Variants in IL23R observed in about 807,000 individuals in gnomAD.
The protein encoded by IL23R is interleukin-23 receptor.
Under a neutral mutation model 56.9 loss-of-function variants are expected in IL23R, and 34 were observed. That is an observed-to-expected ratio of 0.60 (90% CI 0.45 to 0.80). The LOEUF (loss-of-function observed/expected upper bound fraction) is 0.80. IL23R is among the 30% of genes least tolerant of loss of function. The pLI, the probability that IL23R is intolerant of heterozygous loss-of-function variation, is 0.00. For missense variants in IL23R, 635 were observed against 730.0 expected, an observed-to-expected ratio of 0.87 and a Z score of 1.50; for synonymous variants, 230 against 249.2, an observed-to-expected ratio of 0.92 and a Z score of 0.73.
intron 4 of IL23R, among the ~76,000 whole-genome samples, chr1:67,196,524 G>C (rs1648167619): frequency 6.6e-6 from 1 of 152,308 alleles, no homozygotes; most frequent in South Asian, 2.1e-4. Flanking sequence ...CTGGGTGACA[G>C]AGTGAGACCC....
At chr1:67,191,736 G>T (rs1187896784) in intron 4 of IL23R, among the ~76,000 whole-genome samples, 1 of 152,118 alleles carries the variant, frequency 6.6e-6, no homozygotes, top group Non-Finnish European at 1.5e-5. Context: ...AGTCACTGAT[G>T]ATTTCCCCAT....
At chr1:67,237,470 T>C (rs1238841196) in intron 8 of IL23R, among the ~76,000 whole-genome samples, 2 of 152,226 alleles carry the variant, frequency 1.3e-5, no homozygotes, top group Non-Finnish European at 2.9e-5. Flanking sequence ...ATGAGATAAG[T>C]GTTACGCATC....
intron 9 of IL23R, among the ~76,000 whole-genome samples, chr1:67,255,084 C>G (rs952790156): frequency 2.0e-5 from 3 of 152,206 alleles, no homozygotes; most frequent in Non-Finnish European, 4.4e-5. Flanking sequence ...AGACTCAGAA[C>G]AGCCTAAATT....
intron 9 of IL23R, among the ~76,000 whole-genome samples, chr1:67,251,061 T>A (rs556085866): frequency 2.0e-5 from 3 of 152,008 alleles, no homozygotes; most frequent in African/African-American, 7.3e-5. Context: ...GGGCCTCTCA[T>A]GTGTGCCTTA....
intron 1 of IL23R, among the ~76,000 whole-genome samples, chr1:67,154,843 G>C (rs2102537030): frequency 6.6e-6 from 1 of 152,230 alleles, no homozygotes; most frequent in East Asian, 1.9e-4. Context: ...GATGATAGCT[G>C]GTTATTTTGC....
intron 6 of IL23R, among the ~76,000 whole-genome samples, chr1:67,218,279 T>C (rs5774858): frequency 2.7e-5 from 4 of 150,018 alleles, no homozygotes; most frequent in East Asian, 2.0e-4. Context: ...CACATATATA[T>C]ATATATACAT....
intron 1 of IL23R, among the ~76,000 whole-genome samples, chr1:67,158,053 T>TA (rs1646783972): frequency 6.6e-6 from 1 of 151,918 alleles, no homozygotes; most frequent in Non-Finnish European, 1.5e-5. Context: ...CCATCTCTAC[T>TA]AAAAATACAA....
chr1:67,207,233 G>A lies in IL23R; in HGVS notation c.798+178G>A, dbSNP rs112549771. ...TTCAACTTTTATTTTAGATTCGGGG[G>A]CACATGTGCAGGTTTGTTACCTGGA... On this transcript the variant is annotated intron_variant, in intron 6 of 10. Transcript: ENST00000347310. The A allele has an allele frequency of 9.7e-4, 710 of 735,446 alleles. 3 individuals carry two copies. The African/African-American group carries it at 0.01, about 11-fold the overall frequency. The allele number at this position is 735,446 out of a possible 1,614,324, so 45.6% of individuals were successfully genotyped here. A position where few individuals can be genotyped will look rare whatever the true frequency, so the allele number is the denominator to read the frequency against.
chr1:67,220,332 G>T (rs1043971972), intron 7 of IL23R, among the ~76,000 whole-genome samples: 1 of 151,458 alleles, frequency 6.6e-6, no homozygotes, highest in Non-Finnish European at 1.5e-5. Flanking sequence ...TTGTACCACC[G>T]CACTCCAGCC....
At chr1:67,142,257 A>C (rs1161117996) in intron 1 of IL23R, among the ~76,000 whole-genome samples, 1 of 152,218 alleles carries the variant, frequency 6.6e-6, no homozygotes, top group Non-Finnish European at 1.5e-5. Context: ...AAAGTAAAAG[A>C]TAAAAAATTA....
At chr1:67,221,568 T>C (rs1030419153) in intron 7 of IL23R, among the ~76,000 whole-genome samples, 56 of 152,196 alleles carry the variant, frequency 3.7e-4, no homozygotes, top group African/African-American at 1.2e-3. Flanking sequence ...TAGACTTCAG[T>C]TGAAGCACAT....
intron 1 of IL23R, among the ~76,000 whole-genome samples, chr1:67,145,793 T>A (rs919893618): frequency 2.0e-5 from 3 of 152,176 alleles, no homozygotes; most frequent in African/African-American, 7.2e-5. Flanking sequence ...TGGCCCCTAA[T>A]GAACCATGCC....
intron 4 of IL23R, among the ~76,000 whole-genome samples, chr1:67,186,606 T>C (rs1323168689): frequency 1.3e-5 from 2 of 152,230 alleles, no homozygotes. Context: ...CTTTTGTGAC[T>C]GGCTTCTTTC....
chr1:67,230,529 T>G (rs911754259), intron 7 of IL23R, among the ~76,000 whole-genome samples: 1 of 142,942 alleles, frequency 7.0e-6, no homozygotes, highest in Non-Finnish European at 1.5e-5. Context: ...GGCTACTGCT[T>G]TTTGCCTTTT....
At chr1:67,184,089 C>T (rs1199162792) in intron 4 of IL23R, among the ~76,000 whole-genome samples, 1 of 151,564 alleles carries the variant, frequency 6.6e-6, no homozygotes, top group Non-Finnish European at 1.5e-5. Flanking sequence ...CAAAAATTAG[C>T]TGGGCGTGGT....
rs116382185 is a variant in IL23R, at chr1:67,194,351, G to C, written c.492-6386G>C. On this transcript the variant is annotated intron_variant, in intron 4 of 10. Transcript: ENST00000347310. ...ACATTGTTGGTTCCCCTGGCAACCA[G>C]CCCCTACCCTAAGCCTATCCAGGAG... 2.9e-3 allele frequency among the ~76,000 whole-genome samples: 437 copies of C among 152,220 alleles called. 5 individuals are homozygous for C. The highest frequency in any genetic ancestry group is 0.01 in the African/African-American group (431 of 41,554).
At chr1:67,255,388 C>A (rs1346946738) in intron 9 of IL23R, among the ~76,000 whole-genome samples, 1 of 152,098 alleles carries the variant, frequency 6.6e-6, no homozygotes, top group East Asian at 1.9e-4. Context: ...ACTTAATTTT[C>A]ATTAAGTAAG....
chr1:67,219,705 G>T lies in IL23R; in HGVS notation c.930G>T (p.Leu310=). 1.2e-6 allele frequency: 2 copies of T among 1,613,696 alleles called. No homozygotes were observed. Among genetic ancestry groups the T allele is most frequent in the Non-Finnish European group, 1.7e-6 (2 of 1,179,618 alleles). Residue 310 remains leucine, a synonymous_variant, in exon 7 of 11, where the codon CTG becomes CTT. Transcript: ENST00000347310. The part of the protein sequence containing the change: ...GKRYWQPWSS[L]FFHKTPETVP... ...GGTACTGGCAGCCTTGGAGTTCACTGTTTTTTCATAAAACACCTGAAACAG... is the reference window on the plus strand; with the variant it reads ...GGTACTGGCAGCCTTGGAGTTCACTTTTTTTTCATAAAACACCTGAAACAG...
intron 7 of IL23R, among the ~76,000 whole-genome samples, chr1:67,227,235 G>A (rs1160727796): frequency 1.3e-5 from 2 of 152,206 alleles, no homozygotes; most frequent in African/African-American, 4.8e-5. Flanking sequence ...AAACAACAAT[G>A]GCTAGCCAGG....
Sources: allele counts gnomAD v4.1 joint callset (sites outside exome capture counted in the v4.1 genomes callset), GRCh38; gene constraint gnomAD v4.1.1; transcripts MANE v1.5; gene names NCBI Gene and HGNC (gene_info 2026-07-23, HGNC 2026-07-21).